The following CNTNAP2 variants were observed in gnomAD, a reference collection of about 807,000 sequenced individuals.
CNTNAP2 encodes contactin associated protein 2, also known as contactin-associated protein-like 2.
In CNTNAP2, 98 loss-of-function variants were observed where a neutral mutation model predicts 155.2. That is an observed-to-expected ratio of 0.63 (90% CI 0.54 to 0.75). The LOEUF is 0.75. Ranked by LOEUF, CNTNAP2 falls within the 30% of genes least tolerant of loss-of-function variation. The pLI is 0.00. For synonymous variants in CNTNAP2, 651 were observed against 631.2 expected, an observed-to-expected ratio of 1.03 and a Z score of -0.47; for missense variants, 1,727 against 1,688.1, an observed-to-expected ratio of 1.02 and a Z score of -0.40.
chr7:148,328,620 CACAG>C (rs1010217814), intron 21 of CNTNAP2, among the ~76,000 whole-genome samples: 12 of 152,194 alleles, frequency 7.9e-5, no homozygotes, highest in African/African-American at 2.6e-4. Flanking sequence ...AGGGCTGGGT[CACAG>C]ACAGTTTATT....
intron 1 of CNTNAP2, among the ~76,000 whole-genome samples, chr7:146,437,774 G>C (rs986349650): frequency 6.6e-6 from 1 of 151,500 alleles, no homozygotes; most frequent in African/African-American, 2.4e-5. Flanking sequence ...TTTCTAGCCT[G>C]TTTGGGCACT....
chr7:147,923,085 AAAGG>A (rs949020934), intron 14 of CNTNAP2, among the ~76,000 whole-genome samples: 12 of 151,944 alleles, frequency 7.9e-5, no homozygotes, highest in African/African-American at 2.9e-4. Context: ...TAATGAGCAA[AAAGG>A]AAGGAAGGAA....
intron 11 of CNTNAP2, among the ~76,000 whole-genome samples, chr7:147,510,240 A>T (rs193146868): frequency 6.6e-6 from 1 of 151,866 alleles, no homozygotes; most frequent in Non-Finnish European, 1.5e-5. Flanking sequence ...AGTTCCCCAG[A>T]CTCTGAGGGC....
chr7:148,394,097 AC>A (rs1375718432), intron 22 of CNTNAP2, among the ~76,000 whole-genome samples: 1 of 151,774 alleles, frequency 6.6e-6, no homozygotes, highest in African/African-American at 2.4e-5. Flanking sequence ...TTTGTGACAT[AC>A]CTTCTCCATT....
intron 12 of CNTNAP2, among the ~76,000 whole-genome samples, chr7:147,609,825 G>A (rs1801148100): frequency 6.6e-6 from 1 of 152,034 alleles, no homozygotes; most frequent in African/African-American, 2.4e-5. Context: ...AGATTTTGAA[G>A]CTTATATACC....
chr7:147,793,806 T>A (rs191006724), intron 13 of CNTNAP2, among the ~76,000 whole-genome samples: 40 of 152,168 alleles, frequency 2.6e-4, no homozygotes, highest in African/African-American at 9.4e-4. Flanking sequence ...GAATATGTGA[T>A]GTGTTTTCAT....
chr7:148,391,062 G>A (rs1212858642), intron 22 of CNTNAP2, among the ~76,000 whole-genome samples: 1 of 152,118 alleles, frequency 6.6e-6, no homozygotes, highest in Non-Finnish European at 1.5e-5. Context: ...ATTTTATAAA[G>A]AGAAAGTCTC....
intron 12 of CNTNAP2, among the ~76,000 whole-genome samples, chr7:147,624,440 T>C (rs1051954490): frequency 1.1e-4 from 16 of 152,064 alleles, no homozygotes; most frequent in Admixed American, 3.3e-4. Flanking sequence ...GTTTCAATAA[T>C]TGGCCAAAGA....
At chr7:147,555,758 G>T (rs1270968364) in intron 11 of CNTNAP2, among the ~76,000 whole-genome samples, 5 of 152,156 alleles carry the variant, frequency 3.3e-5, no homozygotes, top group African/African-American at 1.2e-4. Flanking sequence ...CAACAGGAAG[G>T]ATGTATATTT....
At chr7:146,716,379 ACT>A (rs1554471735) in intron 1 of CNTNAP2, among the ~76,000 whole-genome samples, 5 of 152,210 alleles carry the variant, frequency 3.3e-5, no homozygotes, top group African/African-American at 4.8e-5. Flanking sequence ...GTTTAAAAAA[ACT>A]CAAAACAAAA....
intron 1 of CNTNAP2, among the ~76,000 whole-genome samples, chr7:146,588,536 TTACTC>T (rs1798732783): frequency 3.3e-5 from 5 of 151,008 alleles, no homozygotes; most frequent in African/African-American, 1.2e-4. Context: ...TTTTTTAAAT[TTACTC>T]TGTCAATCAG....
chr7:147,430,636 T>C (rs969554361), intron 10 of CNTNAP2, among the ~76,000 whole-genome samples: 1 of 152,130 alleles, frequency 6.6e-6, no homozygotes, highest in Admixed American at 6.6e-5. Flanking sequence ...AAGGAGATCA[T>C]AGTCTAGTGC....
intron 3 of CNTNAP2, among the ~76,000 whole-genome samples, chr7:147,009,956 C>T (rs940808988): frequency 2.0e-5 from 3 of 151,406 alleles, no homozygotes; most frequent in African/African-American, 4.9e-5. Flanking sequence ...AGCAACAATG[C>T]TCCAGTATGC....
At chr7:147,038,630 C>A (rs1038778865) in intron 3 of CNTNAP2, among the ~76,000 whole-genome samples, 12 of 152,282 alleles carry the variant, frequency 7.9e-5, no homozygotes, top group South Asian at 2.1e-4. Flanking sequence ...ACTCAGCGTG[C>A]ATTGGAGATC....
rs1311370919 is a variant in CNTNAP2, at chr7:147,047,107, T to TTC, written c.550+3054_550+3055insCT. Among the ~76,000 whole-genome samples the TTC allele has an allele frequency of 2.8e-4, 33 of 116,728 alleles. 1 individual carries two copies. The highest frequency in any genetic ancestry group is 9.1e-4 in the African/African-American group (32 of 35,086). 76.6% of individuals were successfully genotyped at this position (116,728 alleles called of 152,430 possible). A position where few individuals can be genotyped will look rare whatever the true frequency, so the allele number is the denominator to read the frequency against. ...CTCATTTTAGTTAAGTTATGTTTCT[T>TTC]TTTTTTTTTTTTTTTTTTTGAGACG... On this transcript the variant is annotated intron_variant, in intron 4 of 23. Coordinates refer to ENST00000361727, the MANE Select transcript of CNTNAP2 (RefSeq NM_014141.6).
intron 21 of CNTNAP2, among the ~76,000 whole-genome samples, chr7:148,358,464 A>G (rs1798559867): frequency 6.6e-6 from 1 of 152,012 alleles, no homozygotes; most frequent in South Asian, 2.1e-4. Flanking sequence ...ATGAGAAGGG[A>G]TGGCTTTTGG....
chr7:147,939,785 T>TTCTCTC (rs142659389), intron 14 of CNTNAP2, among the ~76,000 whole-genome samples: 69 of 149,756 alleles, frequency 4.6e-4, no homozygotes, highest in African/African-American at 1.5e-3. Flanking sequence ...CAATCTCTCT[T>TTCTCTC]TCTCTCTCTC....
intron 9 of CNTNAP2, among the ~76,000 whole-genome samples, chr7:147,339,823 T>G (rs1292412368): frequency 6.6e-6 from 1 of 152,140 alleles, no homozygotes. Flanking sequence ...AATTTGCCCA[T>G]TTGAGAACAT....
intron 13 of CNTNAP2, among the ~76,000 whole-genome samples, chr7:147,689,209 G>A (rs1796056075): frequency 6.6e-6 from 1 of 150,532 alleles, no homozygotes; most frequent in African/African-American, 2.4e-5. Flanking sequence ...AAGTTCAGTG[G>A]CACAATCTCA....
Sources: gnomAD v4.1 joint callset for allele counts (sites outside exome capture counted in the v4.1 genomes callset) on GRCh38, gnomAD v4.1.1 for gene constraint, MANE v1.5 for transcripts, NCBI Gene and HGNC (gene_info 2026-07-23, HGNC 2026-07-21) for gene names.